Variants in UBE2K observed in about 807,000 individuals in gnomAD.
UBE2K encodes the protein ubiquitin conjugating enzyme E2 K, also known as ubiquitin-conjugating enzyme E2 K.
In UBE2K, 6 loss-of-function variants were observed where a neutral mutation model predicts 30.0. That is an observed-to-expected ratio of 0.20 (90% CI 0.11 to 0.39). UBE2K has a LOEUF of 0.39. Among genes scored for constraint, UBE2K ranks in the 10% least tolerant of loss-of-function variants. The pLI is 1.00. For missense variants in UBE2K, 61 were observed against 241.6 expected, an observed-to-expected ratio of 0.25 and a Z score of 4.96; for synonymous variants, 86 against 83.7, an observed-to-expected ratio of 1.03 and a Z score of -0.15.
intron 3 of UBE2K, among the ~76,000 whole-genome samples, chr4:39,747,777 C>T (rs538081502): frequency 6.0e-5 from 9 of 151,248 alleles, no homozygotes; most frequent in East Asian, 5.8e-4. Context: ...CTACCTCGCC[C>T]GGCTAATTTT....
At chr4:39,711,263 T>C (rs1012286339) in intron 1 of UBE2K, among the ~76,000 whole-genome samples, 2 of 149,502 alleles carry the variant, frequency 1.3e-5, no homozygotes, top group Admixed American at 6.7e-5. Context: ...CCCGGGGTCA[T>C]GCCATTCTCC....
Position 39,745,743 on chromosome 4 carries a change from T to A in UBE2K, c.158-9T>A. 1 of 1,588,574 alleles carries A rather than the reference T, an allele frequency of 6.3e-7. No homozygotes were observed. Among genetic ancestry groups the A allele is most frequent in the South Asian group, 1.1e-5 (1 of 88,418 alleles). ...AGCATTCTTAACTTTGTTTTCCCCA[T>A]TTTTTTAGGAGGAAGATACCAACTA... is the stretch of plus-strand genomic sequence containing the variant. On this transcript the variant is annotated splice_polypyrimidine_tract_variant and intron_variant, in intron 2 of 6. Transcript: ENST00000261427.
At chr4:39,753,860 C>T (rs1721395366) in intron 3 of UBE2K, among the ~76,000 whole-genome samples, 1 of 152,096 alleles carries the variant, frequency 6.6e-6, no homozygotes, top group African/African-American at 2.4e-5. Flanking sequence ...TGGCTCCATG[C>T]CTCTAATCCC....
At chr4:39,770,562 A>G (rs1278676742) in intron 4 of UBE2K, 3 of 1,589,326 alleles carry the variant, frequency 1.9e-6, no homozygotes, top group Admixed American at 3.6e-5. Flanking sequence ...TGCTTCCACC[A>G]GGCCCGAGGT....
At chr4:39,741,995 G>A (rs1720725979) in intron 2 of UBE2K, among the ~76,000 whole-genome samples, 1 of 152,050 alleles carries the variant, frequency 6.6e-6, no homozygotes, top group African/African-American at 2.4e-5. Flanking sequence ...AATGCTAAGT[G>A]GTCATATATT....
chr4:39,723,972 C>G (rs1465968485), intron 1 of UBE2K, among the ~76,000 whole-genome samples: 1 of 152,064 alleles, frequency 6.6e-6, no homozygotes, highest in Non-Finnish European at 1.5e-5. Flanking sequence ...ACCACCACAC[C>G]CATCTGGTTT....
intron 4 of UBE2K, among the ~76,000 whole-genome samples, chr4:39,756,749 G>A (rs562965854): frequency 6.6e-6 from 1 of 152,280 alleles, no homozygotes; most frequent in African/African-American, 2.4e-5. Context: ...AAGACCAAAG[G>A]TATGAAAAGT....
chr4:39,698,307 G>A lies in UBE2K; in HGVS notation c.-21G>A, dbSNP rs937512134. The stretch of plus-strand genomic sequence containing the variant: ...TAGCGGTGGCGGAGGAGGCGGGTAC[G>A]AATCAGCTGCGGGCGGAGACATGGC... On this transcript the variant is annotated 5_prime_UTR_variant, in exon 1 of 7. Transcript: ENST00000261427. 2 of 1,607,448 alleles carry A rather than the reference G, an allele frequency of 1.2e-6. No homozygotes were observed. The highest frequency in any genetic ancestry group is 2.2e-5 in the East Asian group (1 of 44,624).
chr4:39,752,337 T>C (rs1443549520), intron 3 of UBE2K, among the ~76,000 whole-genome samples: 75 of 16,148 alleles, frequency 4.6e-3, no homozygotes, highest in African/African-American at 0.033. Context: ...TTTTTTTTCT[T>C]TTTTTTTTTT....
intron 1 of UBE2K, among the ~76,000 whole-genome samples, chr4:39,705,699 GTTT>G (rs547821749): frequency 1.3e-5 from 2 of 152,032 alleles, no homozygotes; most frequent in Non-Finnish European, 2.9e-5. Context: ...GTTTTGTTTT[GTTT>G]TTGTGACAGA....
intron 4 of UBE2K, among the ~76,000 whole-genome samples, chr4:39,756,075 C>A: frequency 6.6e-6 from 1 of 152,152 alleles, no homozygotes; most frequent in Admixed American, 6.5e-5. Flanking sequence ...GTAGTCATAT[C>A]CCCCTTAGAT....
intron 4 of UBE2K, among the ~76,000 whole-genome samples, chr4:39,768,983 G>A (rs993924270): frequency 1.3e-5 from 2 of 151,954 alleles, no homozygotes; most frequent in Admixed American, 1.3e-4. Context: ...GCACTATCAC[G>A]GCCAGAAAAT....
intron 4 of UBE2K, among the ~76,000 whole-genome samples, chr4:39,762,047 C>T (rs1449740747): frequency 6.6e-6 from 1 of 151,776 alleles, no homozygotes; most frequent in African/African-American, 2.4e-5. Flanking sequence ...GGCGTAGTGG[C>T]ATGCGCCTGT....
chr4:39,727,384 A>G (rs1315326885), intron 1 of UBE2K, among the ~76,000 whole-genome samples: 1 of 152,174 alleles, frequency 6.6e-6, no homozygotes, highest in Non-Finnish European at 1.5e-5. Flanking sequence ...GCGCTGAGAC[A>G]GGATACACCA....
At chr4:39,752,694 C>T (rs1033015333) in intron 3 of UBE2K, among the ~76,000 whole-genome samples, 1 of 152,082 alleles carries the variant, frequency 6.6e-6, no homozygotes, top group African/African-American at 2.4e-5. Flanking sequence ...ATGGCATATG[C>T]TTGTTTATGA....
At chr4:39,743,024 C>A (rs2109356987) in intron 2 of UBE2K, among the ~76,000 whole-genome samples, 1 of 148,828 alleles carries the variant, frequency 6.7e-6, no homozygotes, top group African/African-American at 2.5e-5. Context: ...CCAGCCTGGG[C>A]AACAGAACGA....
intron 1 of UBE2K, among the ~76,000 whole-genome samples, chr4:39,733,092 A>G (rs1048507898): frequency 6.1e-5 from 9 of 148,240 alleles, no homozygotes; most frequent in South Asian, 2.1e-4. Flanking sequence ...AGGTCCCGCT[A>G]TGTGTTTAGC....
At chr4:39,754,969 A>T (rs1721453825) in intron 3 of UBE2K, among the ~76,000 whole-genome samples, 1 of 152,176 alleles carries the variant, frequency 6.6e-6, no homozygotes, top group African/African-American at 2.4e-5. Context: ...GTGTTCCCCT[A>T]GAGTTTTAGC....
At chr4:39,760,056 A>T (rs1320462960) in intron 4 of UBE2K, among the ~76,000 whole-genome samples, 1 of 151,748 alleles carries the variant, frequency 6.6e-6, no homozygotes, top group African/African-American at 2.4e-5. Flanking sequence ...GGGCACCTGT[A>T]ATCCCAGCTA....
Sources: allele counts gnomAD v4.1 joint callset (sites outside exome capture counted in the v4.1 genomes callset), GRCh38; gene constraint gnomAD v4.1.1; transcripts MANE v1.5; gene names NCBI Gene and HGNC (gene_info 2026-07-23, HGNC 2026-07-21).